The following GNMT variants were observed in gnomAD, a reference collection of about 807,000 sequenced individuals.
GNMT encodes glycine N-methyltransferase, also known as epididymis secretory sperm binding protein Li 182mP.
Under a neutral mutation model 30.2 loss-of-function variants are expected in GNMT, and 26 were observed. The ratio of observed to expected loss-of-function variants is 0.86; its 90% CI spans 0.63 to 1.19. GNMT has a LOEUF of 1.19. Among genes scored for constraint, GNMT ranks in the 50% most tolerant of loss-of-function variants. The pLI is 0.00. For synonymous variants in GNMT, 163 were observed against 163.8 expected, an observed-to-expected ratio of 1.00 and a Z score of 0.04; for missense variants, 365 against 398.1, an observed-to-expected ratio of 0.92 and a Z score of 0.71.
rs1018489527 is a variant in GNMT, at chr6:42,960,906, G to T, written c.139G>T (p.Ala47Ser). 3.2e-6 allele frequency: 5 copies of T among 1,561,962 alleles called. No homozygotes were observed. The highest frequency in any genetic ancestry group is 1.4e-5 in the African/African-American group (1 of 74,070). ...DTRSRTAEYK[A>S]WLLGLLRQHG... Reference sequence around the variant, plus strand: ...CCGCAGCCGCACCGCCGAGTACAAGGCATGGCTGCTTGGGCTGCTGCGCCA... The same window carrying T: ...CCGCAGCCGCACCGCCGAGTACAAGTCATGGCTGCTTGGGCTGCTGCGCCA... The change falls in exon 1 of 6, where the codon GCA (alanine) becomes TCA (serine). Residue 47 changes from alanine to serine, a missense_variant. Transcript: ENST00000372808.
chr6:42,962,171 C>CT, intron 1 of GNMT, 41 bp from the exon 2 acceptor site: 1 of 1,613,746 alleles, frequency 6.2e-7, no homozygotes, highest in Non-Finnish European at 8.5e-7. Context: ...CCAGGCTCCC[C>CT]TAACTGCCTC....
In GNMT at chr6:42,962,292, T is replaced by TTAAGGAGC. The variant is rs1329214062; in HGVS notation, c.288_295dup (p.Arg99LeufsTer24). 1 of 1,614,130 alleles carries TTAAGGAGC rather than the reference T, an allele frequency of 6.2e-7. No individual in the cohort carries two copies. Among genetic ancestry groups the TTAAGGAGC allele is most frequent in the African/African-American group, 1.3e-5 (1 of 75,014 alleles). ...AGTGACAAGATGCTGAAGTATGCAC[T>TTAAGGAGC]TAAGGAGCGCTGGAACCGGCGGCAC... On this transcript the variant is annotated frameshift_variant, in exon 2 of 6. Coordinates refer to ENST00000372808, the MANE Select transcript of GNMT (RefSeq NM_018960.6). LOFTEE classifies it high-confidence loss of function.
rs745619141 is a variant in GNMT, at chr6:42,960,880, C to A, written c.113C>A (p.Thr38Asn). The change falls in exon 1 of 6, where the codon ACC becomes AAC. Residue 38 changes from threonine to asparagine, a missense_variant. This residue lies in a region of GNMT where 125 missense variants were observed against 112.0 expected (regional missense o/e 1.12). Transcript: ENST00000372808. ...GTGTGGCAGCTGTATATCGGAGACA[C>A]CCGCAGCCGCACCGCCGAGTACAAG... ...ARVWQLYIGD[T>N]RSRTAEYKAW... The A allele has an allele frequency of 6.4e-6, 10 of 1,554,020 alleles. No individual in the cohort carries two copies. The highest frequency in any genetic ancestry group is 1.7e-4 in the Middle Eastern group (1 of 5,736).
chr6:42,960,991 C>T lies in GNMT; in HGVS notation c.206+18C>T. The T allele has an allele frequency of 1.3e-6, 2 of 1,530,260 alleles. No homozygotes were observed. The highest frequency in any genetic ancestry group is 1.8e-6 in the Non-Finnish European group (2 of 1,141,000). 94.8% of individuals were successfully genotyped at this position (1,530,260 alleles called of 1,614,324 possible). On this transcript the variant is annotated intron_variant, in intron 1 of 5. Transcript: ENST00000372808. ...GGCACTGGGTGAGCCCAGGCCGGGG[C>T]CGGGGGCGTTGCATGAGATCGGGGT...
chr6:42,960,960 G>T lies in GNMT; in HGVS notation c.193G>T (p.Ala65Ser). Reference sequence around the variant, plus strand: ...CGGCTGCCAGCGGGTGCTCGACGTAGCCTGTGGCACTGGGTGAGCCCAGGC... The same window carrying T: ...CGGCTGCCAGCGGGTGCTCGACGTATCCTGTGGCACTGGGTGAGCCCAGGC... ...QHGCQRVLDV[A>S]CGTGVDSIML... The change falls in exon 1 of 6, where the codon GCC (alanine) becomes TCC (serine). Residue 65 changes from alanine to serine, a missense_variant. This residue lies in a region of GNMT where 125 missense variants were observed against 112.0 expected (regional missense o/e 1.12). Coordinates refer to ENST00000372808, the MANE Select transcript of GNMT (RefSeq NM_018960.6). 1 of 1,559,924 alleles carries T rather than the reference G, an allele frequency of 6.4e-7. No individual in the cohort carries two copies. Among genetic ancestry groups the T allele is most frequent in the East Asian group, 2.4e-5 (1 of 42,552 alleles).
chr6:42,962,917 G>A (rs374407108), intron 3 of GNMT, 39 bp downstream of exon 3: 8 of 1,581,712 alleles, frequency 5.1e-6, no homozygotes, highest in Non-Finnish European at 7.0e-6. Context: ...CCCCCGCCTT[G>A]AGGCCCCCTT....
chr6:42,960,977 A>C lies in GNMT; in HGVS notation c.206+4A>C, dbSNP rs1769352384. ...TCGACGTAGCCTGTGGCACTGGGTG[A>C]GCCCAGGCCGGGGCCGGGGGCGTTG... On this transcript the variant is annotated splice_donor_region_variant and intron_variant, in intron 1 of 5. Transcript: ENST00000372808. The C allele has an allele frequency of 6.5e-7, 1 of 1,547,448 alleles. No individual in the cohort carries two copies. Among genetic ancestry groups the C allele is most frequent in the East Asian group, 2.4e-5 (1 of 42,000 alleles).
At chr6:42,963,243 T>A (rs908521275) in intron 4 of GNMT, 29 bp downstream of exon 4, 1 of 158,594 alleles carries the variant, frequency 6.3e-6, no homozygotes. Context: ...GGGGTGGGGG[T>A]GGGGGTGGGG....
intron 1 of GNMT, 46 bp from the exon 2 acceptor site, chr6:42,962,166 C>G (rs749111811): frequency 6.2e-7 from 1 of 1,612,904 alleles, no homozygotes; most frequent in Non-Finnish European, 8.5e-7. Context: ...CCCTCCCAGG[C>G]TCCCCTAACT....
chr6:42,962,621 T>TCCCTCTTTTCTCCTCCCCCTAACTGA, intron 2 of GNMT, 141 bp from the exon 3 acceptor site: 1 of 805,824 alleles, frequency 1.2e-6, no homozygotes, highest in Non-Finnish European at 2.2e-6. Context: ...TCTCCCTTGA[T>TCCCTCTTTTCTCCTCCCCCTAACTGA]CCCTCTTTTC....
chr6:42,962,017 G>T (rs1769420727), intron 1 of GNMT, among the ~76,000 whole-genome samples, 195 bp from the exon 2 acceptor site: 1 of 152,148 alleles, frequency 6.6e-6, no homozygotes, highest in African/African-American at 2.4e-5. Context: ...GCTCTGAAGA[G>T]GTGCTTTTAA....
chr6:42,960,968 C>A lies in GNMT; in HGVS notation c.201C>A (p.Gly67=), dbSNP rs777005322. ...AGCGGGTGCTCGACGTAGCCTGTGG[C>A]ACTGGGTGAGCCCAGGCCGGGGCCG... The part of the protein sequence containing the change: ...GCQRVLDVAC[G]TGVDSIMLVE... The change falls in exon 1 of 6, where the codon GGC becomes GGA. Residue 67 remains glycine, a synonymous_variant. Coordinates refer to ENST00000372808, the MANE Select transcript of GNMT (RefSeq NM_018960.6). 65 of 1,555,520 alleles carry A rather than the reference C, an allele frequency of 4.2e-5. 1 individual carries two copies. The East Asian group carries it at 1.5e-3, about 35-fold the overall frequency.
In GNMT at chr6:42,962,747, C is replaced by G. The variant is rs1417030739; in HGVS notation, c.335-15C>G. ...TCGTGCCTCCCTGATTCCTCTTTCTCTTCCTGACCCCTAGTCATCGAAGAA... is the reference window on the plus strand; with the variant it reads ...TCGTGCCTCCCTGATTCCTCTTTCTGTTCCTGACCCCTAGTCATCGAAGAA... On this transcript the variant is annotated splice_polypyrimidine_tract_variant and intron_variant, in intron 2 of 5. Transcript: ENST00000372808. 6.3e-7 allele frequency: 1 copy of G among 1,582,616 alleles called. No individual in the cohort carries two copies. The highest frequency in any genetic ancestry group is 8.7e-7 in the Non-Finnish European group (1 of 1,151,162).
At chr6:42,963,253 G>T (rs1159510524) in intron 4 of GNMT, 39 bp downstream of exon 4, 1 of 1,411,842 alleles carries the variant, frequency 7.1e-7, no homozygotes, top group Non-Finnish European at 9.6e-7. Context: ...TGGGGGTGGG[G>T]GTGGGGTGGA....
At position 42,963,142 on chromosome 6, in the gene GNMT, C is replaced by T. The variant is rs752057158; in HGVS notation, c.522C>T (p.Val174=). ...TGGTGCGGGCAGGGGGCCTACTGGT[C>T]ATTGATCATCGCAACTACGACCACA... The part of the protein sequence containing the change: ...ASMVRAGGLL[V]IDHRNYDHIL... Residue 174 remains valine (V), a synonymous_variant, in exon 4 of 6, where the codon GTC becomes GTT. Transcript: ENST00000372808. 1 of 1,612,048 alleles carries T rather than the reference C, an allele frequency of 6.2e-7. No homozygotes were observed. Among genetic ancestry groups the T allele is most frequent in the East Asian group, 2.2e-5 (1 of 44,818 alleles).
At chr6:42,961,743 C>T (rs565505185) in intron 1 of GNMT, among the ~76,000 whole-genome samples, 41 of 151,964 alleles carry the variant, frequency 2.7e-4, no homozygotes, top group African/African-American at 8.9e-4. Context: ...TTAGTAGAGA[C>T]GGGGTTTCGC....
Position 42,960,890 on chromosome 6 carries a change from C to T in GNMT, c.123C>T (p.Arg41=), listed in dbSNP as rs1245288812. 6.4e-7 allele frequency: 1 copy of T among 1,555,456 alleles called. No individual in the cohort carries two copies. Among genetic ancestry groups the T allele is most frequent in the East Asian group, 2.4e-5 (1 of 41,722 alleles). Residue 41 remains arginine, a synonymous_variant, in exon 1 of 6, where the codon CGC becomes CGT. Transcript: ENST00000372808. ...WQLYIGDTRS[R]TAEYKAWLLG... is the part of the protein sequence containing the mutation. ...TGTATATCGGAGACACCCGCAGCCGCACCGCCGAGTACAAGGCATGGCTGC... is the reference window on the plus strand; with the variant it reads ...TGTATATCGGAGACACCCGCAGCCGTACCGCCGAGTACAAGGCATGGCTGC...
chr6:42,961,556 T>C (rs1352584199), intron 1 of GNMT, among the ~76,000 whole-genome samples: 3 of 29,364 alleles, frequency 1.0e-4, no homozygotes, highest in African/African-American at 4.8e-4. Context: ...TTCTCTTTTT[T>C]TTTTTTTTTT....
intron 2 of GNMT, 44 bp from the exon 3 acceptor site, chr6:42,962,718 A>C (rs1301485721): frequency 1.5e-6 from 2 of 1,341,830 alleles, no homozygotes; most frequent in Non-Finnish European, 2.1e-6. Context: ...TGCTACTGGT[A>C]CCATCGTGCC....
Sources: allele counts gnomAD v4.1 joint callset (sites outside exome capture counted in the v4.1 genomes callset), GRCh38; gene constraint gnomAD v4.1.1; regional missense constraint gnomAD v4.1.1; transcripts MANE v1.5; gene names NCBI Gene and HGNC (gene_info 2026-07-23, HGNC 2026-07-21).